ACVR2A: variants seen among roughly 807,000 people sequenced by gnomAD.
The protein encoded by ACVR2A is activin A receptor type 2A.
In ACVR2A, 7 loss-of-function variants were observed where a neutral mutation model predicts 61.4. That is an observed-to-expected ratio of 0.11 (90% CI 0.06 to 0.21). ACVR2A has a LOEUF of 0.21. Ranked by LOEUF, ACVR2A falls within the 10% of genes least tolerant of loss-of-function variation. The probability of loss-of-function intolerance (pLI) is 1.00; values close to 1 mark genes in which losing one functional copy is unlikely to be tolerated. For synonymous variants in ACVR2A, 193 were observed against 208.3 expected (o/e 0.93, Z 0.63); for missense variants, 322 against 621.7 (o/e 0.52, Z 5.13).
intron 1 of ACVR2A, among the ~76,000 whole-genome samples, chr2:147,876,793 G>A (rs1686167907): frequency 1.3e-5 from 2 of 152,192 alleles, no homozygotes; most frequent in Admixed American, 1.3e-4. Flanking sequence ...AAAATTTAGT[G>A]GAAGGCCAGG....
chr2:147,918,528 T>C lies in ACVR2A; in HGVS notation c.898T>C (p.Leu300=). ...CHIAETMARG[L]AYLHEDIPGL... ...TATTGCAGAAACCATGGCTAGAGGA[T>C]TGGCATATTTACATGAGGATATACC... Residue 300 remains leucine, a synonymous_variant, in exon 7 of 11, where the codon TTG becomes CTG. Coordinates refer to ENST00000241416, the MANE Select transcript of ACVR2A (RefSeq NM_001616.5). 2 of 1,612,684 alleles carry C rather than the reference T, an allele frequency of 1.2e-6. No individual in the cohort carries two copies. The highest frequency in any genetic ancestry group is 1.7e-6 in the Non-Finnish European group (2 of 1,179,144).
rs201026858 is a variant in ACVR2A, at chr2:147,888,442, TG to T, written c.56-7858del. ...TCTTTCCAAATGTTTAGGTTTTATT[TG>T]ATTTCTTTCATCAGCATTTTAAAAT... On this transcript the variant is annotated intron_variant, in intron 1 of 10. Transcript: ENST00000241416. 6.6e-5 allele frequency among the ~76,000 whole-genome samples: 10 copies of T among 152,328 alleles called. No individual in the cohort carries two copies. The East Asian group carries it at 1.9e-3, about 29-fold the overall frequency.
intron 1 of ACVR2A, among the ~76,000 whole-genome samples, chr2:147,856,851 T>G (rs947205223): frequency 2.0e-5 from 3 of 152,214 alleles, no homozygotes; most frequent in Non-Finnish European, 4.4e-5. Flanking sequence ...TTGGTAATCT[T>G]TACTTATTTT....
intron 1 of ACVR2A, among the ~76,000 whole-genome samples, chr2:147,879,409 C>T (rs1033454099): frequency 6.6e-6 from 1 of 152,134 alleles, no homozygotes; most frequent in Non-Finnish European, 1.5e-5. Flanking sequence ...CCATTAGGCC[C>T]CACCTCTCAA....
intron 1 of ACVR2A, among the ~76,000 whole-genome samples, chr2:147,848,449 G>T (rs1025616975): frequency 2.0e-5 from 3 of 152,072 alleles, no homozygotes; most frequent in Admixed American, 1.3e-4. Context: ...CATCTAGTTG[G>T]GTAGAGGGCA....
chr2:147,918,386 T>G, intron 6 of ACVR2A, 61 bp from the exon 7 acceptor site: 1 of 1,426,014 alleles, frequency 7.0e-7, no homozygotes, highest in Non-Finnish European at 9.4e-7. Context: ...AAAAGAAAAG[T>G]CTCCTTATAC....
chr2:147,853,047 T>C (rs189322721), intron 1 of ACVR2A, among the ~76,000 whole-genome samples: 90 of 152,118 alleles, frequency 5.9e-4, no homozygotes, highest in African/African-American at 2.1e-3. Context: ...TATGTGGATA[T>C]AGGACTGAAA....
intron 1 of ACVR2A, among the ~76,000 whole-genome samples, chr2:147,846,243 A>G (rs1685311722): frequency 6.6e-6 from 1 of 151,834 alleles, no homozygotes; most frequent in Admixed American, 6.6e-5. Context: ...AAAATTTAAT[A>G]TTCAGTTACA....
At chr2:147,884,685 CAAAT>C (rs777398639) in intron 1 of ACVR2A, among the ~76,000 whole-genome samples, 11 of 152,008 alleles carry the variant, frequency 7.2e-5, no homozygotes, top group Non-Finnish European at 1.3e-4. Flanking sequence ...TTAGGGAAAA[CAAAT>C]AAGGGACTGT....
intron 1 of ACVR2A, among the ~76,000 whole-genome samples, chr2:147,881,901 TTTG>T (rs1686312121): frequency 6.6e-6 from 1 of 152,096 alleles, no homozygotes; most frequent in Admixed American, 6.6e-5. Context: ...CTCTAAAAAT[TTTG>T]TTAATACAAA....
chr2:147,909,871 A>G (rs551952496), intron 4 of ACVR2A, among the ~76,000 whole-genome samples: 1 of 152,176 alleles, frequency 6.6e-6, no homozygotes, highest in Non-Finnish European at 1.5e-5. Flanking sequence ...CGAACTCCTG[A>G]GCTCAAAGAT....
intron 5 of ACVR2A, among the ~76,000 whole-genome samples, chr2:147,916,183 A>G (rs1459439281): frequency 6.6e-6 from 1 of 151,924 alleles, no homozygotes; most frequent in African/African-American, 2.4e-5. Context: ...CTGTTTACAT[A>G]GAGTTTATGA....
intron 6 of ACVR2A, 120 bp downstream of exon 6, chr2:147,917,546 G>A: frequency 9.2e-7 from 1 of 1,087,144 alleles, no homozygotes; most frequent in Non-Finnish European, 1.3e-6. Context: ...TATTTAACCT[G>A]AAAATAAAAA....
chr2:147,906,614 G>A (rs1355678546), intron 4 of ACVR2A, among the ~76,000 whole-genome samples: 2 of 152,136 alleles, frequency 1.3e-5, no homozygotes, highest in East Asian at 3.8e-4. Context: ...TGTTATTGGT[G>A]TTAGAGTAAC....
Position 147,862,289 on chromosome 2 carries a change from T to G in ACVR2A, c.55+17082T>G, listed in dbSNP as rs181338255. On this transcript the variant is annotated intron_variant, in intron 1 of 10. Transcript: ENST00000241416. Reference sequence around the variant, plus strand: ...ACTCTAATTCTAGGGCAGATTTTTTTTTTTTTTGGAGTAGGGGTCTTGCTT... The same window carrying G: ...ACTCTAATTCTAGGGCAGATTTTTTGTTTTTTTGGAGTAGGGGTCTTGCTT... Among the ~76,000 whole-genome samples, 8 of 152,262 alleles carry G rather than the reference T, an allele frequency of 5.3e-5. No individual in the cohort carries two copies. The East Asian group carries it at 1.2e-3, about 22-fold the overall frequency.
At chr2:147,885,419 A>C (rs1686406462) in intron 1 of ACVR2A, among the ~76,000 whole-genome samples, 1 of 152,156 alleles carries the variant, frequency 6.6e-6, no homozygotes, top group African/African-American at 2.4e-5. Context: ...TATAGTAAAA[A>C]GTTTAAACAA....
chr2:147,906,102 G>GT (rs1293650631), intron 4 of ACVR2A, among the ~76,000 whole-genome samples: 1 of 151,938 alleles, frequency 6.6e-6, no homozygotes, highest in African/African-American at 2.4e-5. Context: ...AAGTGAGTTT[G>GT]TTTTTTTCCT....
chr2:147,897,634 T>A (rs1686771223), intron 2 of ACVR2A, among the ~76,000 whole-genome samples: 1 of 152,236 alleles, frequency 6.6e-6, no homozygotes. Context: ...AGAGCCTCAG[T>A]TGATTACCTG....
intron 1 of ACVR2A, among the ~76,000 whole-genome samples, chr2:147,864,972 T>C (rs546460150): frequency 6.4e-4 from 98 of 152,090 alleles, no homozygotes; most frequent in Non-Finnish European, 1.2e-3. Context: ...AAACATGAGA[T>C]ACATTGATTA....
Sources: allele counts gnomAD v4.1 joint callset (sites outside exome capture counted in the v4.1 genomes callset), GRCh38; gene constraint gnomAD v4.1.1; transcripts MANE v1.5; gene names NCBI Gene and HGNC (gene_info 2026-07-23, HGNC 2026-07-21).